Variants in PTPRZ1 observed in about 807,000 individuals in gnomAD.
The protein encoded by PTPRZ1 is receptor-type tyrosine-protein phosphatase zeta.
A neutral mutation model predicts 214.1 loss-of-function variants in PTPRZ1; 82 were observed. That is an observed-to-expected ratio of 0.38 (90% CI 0.32 to 0.46). The LOEUF (loss-of-function observed/expected upper bound fraction) is 0.46. Among genes scored for constraint, PTPRZ1 ranks in the 20% least tolerant of loss-of-function variants. PTPRZ1 has a pLI of 1.00. For synonymous variants in PTPRZ1, 945 were observed against 987.9 expected (o/e 0.96, Z 0.81); for missense variants, 2,603 against 2,748.7 (o/e 0.95, Z 1.19).
chr7:121,875,184 T>A (rs889787275), intron 1 of PTPRZ1, among the ~76,000 whole-genome samples: 1 of 152,090 alleles, frequency 6.6e-6, no homozygotes, highest in Non-Finnish European at 1.5e-5. Flanking sequence ...AGAAACCCCA[T>A]GTTCCTTAGC....
At chr7:121,997,197 T>A (rs1333955481) in intron 9 of PTPRZ1, among the ~76,000 whole-genome samples, 1 of 152,152 alleles carries the variant, frequency 6.6e-6, no homozygotes, top group Non-Finnish European at 1.5e-5. Context: ...TGACAAACCT[T>A]CATCTGGATG....
intron 9 of PTPRZ1, 53 bp from the exon 10 acceptor site, chr7:121,997,827 T>G: frequency 2.0e-6 from 3 of 1,511,944 alleles, no homozygotes; most frequent in Non-Finnish European, 2.7e-6. Context: ...ACCTAGTGTG[T>G]TGGTAGTCCT....
chr7:122,040,777 TGTGTG>T, intron 20 of PTPRZ1, 34 bp from the exon 21 acceptor site: 3 of 1,220,046 alleles, frequency 2.5e-6, no homozygotes, highest in Non-Finnish European at 3.4e-6. Context: ...TGTGTGTGTG[TGTGTG>T]TTTGACTGTT....
chr7:121,876,701 A>T (rs1794073382), intron 1 of PTPRZ1, among the ~76,000 whole-genome samples: 1 of 152,048 alleles, frequency 6.6e-6, no homozygotes. Flanking sequence ...CAGAGTTGCA[A>T]TTTTCTTTAT....
Position 122,031,568 on chromosome 7 carries a change from T to G in PTPRZ1, c.5166+9T>G. On this transcript the variant is annotated intron_variant, in intron 15 of 29. Coordinates refer to ENST00000393386, the MANE Select transcript of PTPRZ1 (RefSeq NM_002851.3). ...TTACTGAAGAATTTGAGGTATGATTTTAATATGTCTATTTTAAATAATATA... is the reference window on the plus strand; with the variant it reads ...TTACTGAAGAATTTGAGGTATGATTGTAATATGTCTATTTTAAATAATATA... The G allele has an allele frequency of 6.4e-7, 1 of 1,553,404 alleles. No homozygotes were observed. The highest frequency in any genetic ancestry group is 2.3e-5 in the East Asian group (1 of 44,272).
intron 2 of PTPRZ1, among the ~76,000 whole-genome samples, chr7:121,951,059 A>C (rs1446357877): frequency 6.6e-6 from 1 of 152,252 alleles, no homozygotes; most frequent in Non-Finnish European, 1.5e-5. Flanking sequence ...ATTATGATCA[A>C]ATTAGATTTT....
chr7:122,014,982 T>C (rs1798803922), intron 12 of PTPRZ1, among the ~76,000 whole-genome samples: 1 of 152,184 alleles, frequency 6.6e-6, no homozygotes, highest in Admixed American at 6.5e-5. Flanking sequence ...TGTAAAACAC[T>C]AAACATTTTT....
At chr7:122,002,242 G>C (rs1000648790) in intron 10 of PTPRZ1, among the ~76,000 whole-genome samples, 1 of 152,192 alleles carries the variant, frequency 6.6e-6, no homozygotes, top group Non-Finnish European at 1.5e-5. Flanking sequence ...GGGAATTTCA[G>C]TCAGTTCAAA....
chr7:121,934,238 A>G (rs1019659756), intron 2 of PTPRZ1, among the ~76,000 whole-genome samples: 15 of 152,138 alleles, frequency 9.9e-5, no homozygotes, highest in African/African-American at 3.4e-4. Context: ...AGAAGGGCAA[A>G]GGTAGTTGGA....
At chr7:122,050,043 A>G (rs1792121081) in intron 23 of PTPRZ1, among the ~76,000 whole-genome samples, 2 of 152,202 alleles carry the variant, frequency 1.3e-5, no homozygotes, top group Non-Finnish European at 2.9e-5. Context: ...CAAAAAAAGT[A>G]ACATTGTATC....
chr7:121,891,965 G>A (rs1456254000), intron 1 of PTPRZ1, among the ~76,000 whole-genome samples: 3 of 152,048 alleles, frequency 2.0e-5, no homozygotes, highest in African/African-American at 4.8e-5. Flanking sequence ...CTGTCATTTA[G>A]TAATGTAAAT....
intron 9 of PTPRZ1, 55 bp downstream of exon 9, chr7:121,996,621 G>A: frequency 7.6e-6 from 10 of 1,318,064 alleles, no homozygotes; most frequent in African/African-American, 1.5e-5. Context: ...TAATTTCCAA[G>A]GTAAGAACTT....
At chr7:121,897,143 C>A (rs1457851912) in intron 1 of PTPRZ1, among the ~76,000 whole-genome samples, 3 of 152,130 alleles carry the variant, frequency 2.0e-5, no homozygotes, top group Non-Finnish European at 2.9e-5. Context: ...CAATGATAGA[C>A]ACTATTGTTG....
chr7:121,924,253 C>T (rs960286119), intron 1 of PTPRZ1, among the ~76,000 whole-genome samples: 1 of 151,960 alleles, frequency 6.6e-6, no homozygotes, highest in Admixed American at 6.6e-5. Flanking sequence ...TCCTAAAATG[C>T]GTAAGCACTT....
chr7:122,036,515 A>C, intron 17 of PTPRZ1, 85 bp from the exon 18 acceptor site: 1 of 934,036 alleles, frequency 1.1e-6, no homozygotes, highest in Non-Finnish European at 1.6e-6. Flanking sequence ...TAATTGAATG[A>C]AATAAATTAT....
chr7:122,023,776 A>AATT (rs1491561557), intron 13 of PTPRZ1, among the ~76,000 whole-genome samples: 1 of 134,404 alleles, frequency 7.4e-6, no homozygotes, highest in African/African-American at 2.8e-5. Context: ...TTTTATATAT[A>AATT]ATATATATTA....
chr7:121,986,199 C>T (rs1009224379), intron 8 of PTPRZ1, among the ~76,000 whole-genome samples: 6 of 152,170 alleles, frequency 3.9e-5, no homozygotes, highest in East Asian at 3.9e-4. Context: ...CAATATTTGA[C>T]GTAGACCTCA....
Position 121,959,327 on chromosome 7 carries a change from G to A in PTPRZ1, c.125-8624G>A, listed in dbSNP as rs1049113036. The stretch of plus-strand genomic sequence containing the variant: ...AGGAAAATGTAGTTTGACGAAACAG[G>A]TTCTCATTCTGAAATTGTTTGCATT... On this transcript the variant is annotated intron_variant, in intron 2 of 29. Transcript: ENST00000393386. Among the ~76,000 whole-genome samples, 5 of 152,242 alleles carry A rather than the reference G, an allele frequency of 3.3e-5. No homozygotes were observed. The East Asian group carries it at 7.7e-4, about 23-fold the overall frequency.
intron 20 of PTPRZ1, 101 bp downstream of exon 20, chr7:122,039,689 C>G: frequency 7.1e-7 from 1 of 1,408,960 alleles, no homozygotes; most frequent in Non-Finnish European, 9.6e-7. Flanking sequence ...AAGCATATAA[C>G]TAAAGGCATT....
Sources: gnomAD v4.1 joint callset for allele counts (sites outside exome capture counted in the v4.1 genomes callset) on GRCh38, gnomAD v4.1.1 for gene constraint, MANE v1.5 for transcripts, NCBI Gene and HGNC (gene_info 2026-07-23, HGNC 2026-07-21) for gene names.